The following RAD50 variants were observed in gnomAD, a reference collection of about 807,000 sequenced individuals.
RAD50 encodes the protein DNA repair protein RAD50.
Under a neutral mutation model 168.8 loss-of-function variants are expected in RAD50, and 132 were observed. The observed-to-expected ratio is 0.78, with a 90% CI of 0.68 to 0.90. The LOEUF (loss-of-function observed/expected upper bound fraction) is 0.90, where lower values mean the gene tolerates loss of function less well. RAD50 is among the 40% of genes least tolerant of loss of function. The pLI is 0.00. For synonymous variants in RAD50, 525 were observed against 497.4 expected (o/e 1.06, Z -0.74); for missense variants, 1,347 against 1,534.4 (o/e 0.88, Z 2.04).
intron 5 of RAD50, among the ~76,000 whole-genome samples, chr5:132,583,885 C>T (rs1000533573): frequency 2.6e-4 from 39 of 151,590 alleles, no homozygotes; most frequent in African/African-American, 8.5e-4. Context: ...TTAGTAGAGA[C>T]GGGGTTTCTC....
intron 3 of RAD50, among the ~76,000 whole-genome samples, chr5:132,577,455 A>G (rs139041957): frequency 6.6e-6 from 1 of 152,250 alleles, no homozygotes; most frequent in Non-Finnish European, 1.5e-5. Context: ...AAATGTGGAC[A>G]TCTTGGAGGA....
At chr5:132,582,345 A>G (rs1235775742) in intron 5 of RAD50, among the ~76,000 whole-genome samples, 4 of 152,212 alleles carry the variant, frequency 2.6e-5, no homozygotes, top group African/African-American at 7.2e-5. Flanking sequence ...AGCCTAGCCT[A>G]GTGCCTGGCA....
chr5:132,639,105 G>A (rs938323466), intron 23 of RAD50, among the ~76,000 whole-genome samples: 2 of 151,390 alleles, frequency 1.3e-5, no homozygotes, highest in Admixed American at 6.6e-5. Flanking sequence ...ACCTGTAATC[G>A]CAGCACTTTG....
Position 132,576,757 on chromosome 5 carries a change from A to G in RAD50, c.365+829A>G, listed in dbSNP as rs78909348. On this transcript the variant is annotated intron_variant, in intron 3 of 24. Coordinates refer to ENST00000378823, the MANE Select transcript of RAD50 (RefSeq NM_005732.4). ...ATTTCTTCACCTCCTCTTCACTCCA[A>G]TTGCAGTCCCATTCGTCCTTTGAAA... Among the ~76,000 whole-genome samples, 980 of 152,256 alleles carry G rather than the reference A, an allele frequency of 6.4e-3. 14 individuals are homozygous for G. Among genetic ancestry groups the G allele is most frequent in the African/African-American group, 0.022 (928 of 41,542 alleles).
chr5:132,597,564 G>A (rs1415944326), intron 13 of RAD50, among the ~76,000 whole-genome samples: 5 of 152,190 alleles, frequency 3.3e-5, no homozygotes, highest in Non-Finnish European at 4.4e-5. Context: ...CCTCTGGAGA[G>A]GCCCATATGC....
intron 19 of RAD50, among the ~76,000 whole-genome samples, chr5:132,610,124 A>G (rs1280228314): frequency 1.3e-5 from 2 of 151,924 alleles, no homozygotes; most frequent in African/African-American, 2.4e-5. Context: ...GATTTTACCT[A>G]TCAACTCACA....
In RAD50 at chr5:132,589,712, A is replaced by G. The variant is rs1750663361; in HGVS notation, c.1327A>G (p.Ile443Val). 2 of 1,613,016 alleles carry G rather than the reference A, an allele frequency of 1.2e-6. No individual in the cohort carries two copies. Among genetic ancestry groups the G allele is most frequent in the Non-Finnish European group, 1.7e-6 (2 of 1,179,204 alleles). The change falls in exon 9 of 25, where the codon ATT (isoleucine) becomes GTT (valine). Residue 443 changes from isoleucine to valine, a missense_variant. This residue lies in a region of RAD50 where 703 missense variants were observed against 767.7 expected (regional missense o/e 0.92). Coordinates refer to ENST00000378823, the MANE Select transcript of RAD50 (RefSeq NM_005732.4). Reference sequence around the variant, plus strand: ...TAAGAAAACTGGACTGGGAAGAATAATTGAGTTAAAATCAGAAATCCTAAG... The same window carrying G: ...TAAGAAAACTGGACTGGGAAGAATAGTTGAGTTAAAATCAGAAATCCTAAG... Reference protein sequence around the residue: ...RDKKTGLGRIIELKSEILSKK... With the variant: ...RDKKTGLGRIVELKSEILSKK...
intron 21 of RAD50, among the ~76,000 whole-genome samples, chr5:132,625,160 C>T (rs562774545): frequency 6.0e-5 from 9 of 149,518 alleles, no homozygotes; most frequent in African/African-American, 2.2e-4. Flanking sequence ...GATCTCGGCT[C>T]ACTGCAAGCT....
At chr5:132,564,891 G>A (rs1456361496) in intron 2 of RAD50, among the ~76,000 whole-genome samples, 1 of 152,166 alleles carries the variant, frequency 6.6e-6, no homozygotes, top group African/African-American at 2.4e-5. Flanking sequence ...CTTCCACATG[G>A]TGTTAAGCCT....
Position 132,579,922 on chromosome 5 carries a change from A to G in RAD50, c.612A>G (p.Lys204=), listed in dbSNP as rs773903575. 10 of 1,612,530 alleles carry G rather than the reference A, an allele frequency of 6.2e-6. No individual in the cohort carries two copies. In the Admixed American group the frequency reaches 8.3e-5, roughly 13 times the overall value. ...GTCAGACACAAGGTCAGAAAGTAAAAGAATATCAAATGGAACTAAAATATC... is the reference window on the plus strand; with the variant it reads ...GTCAGACACAAGGTCAGAAAGTAAAGGAATATCAAATGGAACTAAAATATC... The part of the protein sequence containing the change: ...QVRQTQGQKV[K]EYQMELKYLK... The change falls in exon 5 of 25, where the codon AAA becomes AAG. Residue 204 remains lysine (K), a synonymous_variant. Transcript: ENST00000378823.
intron 21 of RAD50, among the ~76,000 whole-genome samples, chr5:132,619,783 C>CCT (rs550575815): frequency 0.029 from 3,641 of 125,596 alleles, 103 homozygotes; most frequent in African/African-American, 0.064. Context: ...CTTCCCTACT[C>CCT]CTCTCTCTCT....
At chr5:132,618,796 A>C (rs1751224353) in intron 21 of RAD50, among the ~76,000 whole-genome samples, 1 of 152,180 alleles carries the variant, frequency 6.6e-6, no homozygotes, top group African/African-American at 2.4e-5. Flanking sequence ...AAAGCATATT[A>C]ATATCTACGA....
intron 2 of RAD50, among the ~76,000 whole-genome samples, chr5:132,572,106 CA>C (rs1750317300): frequency 6.6e-6 from 1 of 152,034 alleles, no homozygotes; most frequent in African/African-American, 2.4e-5. Context: ...TAATTTGCCA[CA>C]GTAATAGAAT....
At position 132,575,933 on chromosome 5, in the gene RAD50, G is replaced by C. The variant is rs1438177297; in HGVS notation, c.365+5G>C. On this transcript the variant is annotated splice_donor_5th_base_variant and intron_variant, in intron 3 of 24. Transcript: ENST00000378823. Reference sequence around the variant, plus strand: ...AGGAGTCATTACTAGAACAAAGTAGGTGTTTATATGATATTTGAATTTCTG... The same window carrying C: ...AGGAGTCATTACTAGAACAAAGTAGCTGTTTATATGATATTTGAATTTCTG... 1.3e-6 allele frequency: 2 copies of C among 1,598,232 alleles called. No individual in the cohort carries two copies. The highest frequency in any genetic ancestry group is 1.7e-6 in the Non-Finnish European group (2 of 1,169,030).
rs749194256 is a variant in RAD50, at chr5:132,580,017, C to T, written c.707C>T (p.Ser236Phe). The change falls in exon 5 of 25, where the codon TCT becomes TTT. Residue 236 changes from serine to phenylalanine, a missense_variant. By Grantham distance (155) the Ser-to-Phe change is radical (BLOSUM62 -2). Coordinates refer to ENST00000378823, the MANE Select transcript of RAD50 (RefSeq NM_005732.4). ...QITSKEAQLT[S>F]SKEIVKSYEN... Reference sequence around the variant, plus strand: ...ACAAGTAAGGAAGCCCAGTTAACATCTTCAAAGGAAATTGTCAAATCCTAT... The same window carrying T: ...ACAAGTAAGGAAGCCCAGTTAACATTTTCAAAGGAAATTGTCAAATCCTAT... 1 of 1,613,516 alleles carries T rather than the reference C, an allele frequency of 6.2e-7. No homozygotes were observed. Among genetic ancestry groups the T allele is most frequent in the Non-Finnish European group, 8.5e-7 (1 of 1,179,548 alleles).
At chr5:132,624,382 G>T (rs1276449335) in intron 21 of RAD50, among the ~76,000 whole-genome samples, 1 of 151,786 alleles carries the variant, frequency 6.6e-6, no homozygotes, top group Admixed American at 6.6e-5. Flanking sequence ...TTTGTTTTTT[G>T]GTTTTTTTTG....
intron 4 of RAD50, 104 bp from the exon 5 acceptor site, chr5:132,579,758 C>A: frequency 9.4e-7 from 1 of 1,064,960 alleles, no homozygotes; most frequent in Non-Finnish European, 1.4e-6. Context: ...TTATTAAAAA[C>A]TCATTGTAAC....
chr5:132,598,368 G>A (rs1750829038), intron 13 of RAD50, among the ~76,000 whole-genome samples: 1 of 152,160 alleles, frequency 6.6e-6, no homozygotes, highest in South Asian at 2.1e-4. Context: ...CCCTCTAAGA[G>A]TAAGGTGCAT....
rs766565530 is a variant in RAD50, at chr5:132,640,662, T to C, written c.3619-10T>C. ...TGTGCTGGGCTTCTCACATAGGGGCTTTTTTCCAGGTATTAGCCTCACTCA... is the reference window on the plus strand; with the variant it reads ...TGTGCTGGGCTTCTCACATAGGGGCCTTTTTCCAGGTATTAGCCTCACTCA... On this transcript the variant is annotated splice_polypyrimidine_tract_variant and intron_variant, in intron 23 of 24. Transcript: ENST00000378823. 4 of 1,614,110 alleles carry C rather than the reference T, an allele frequency of 2.5e-6. No individual in the cohort carries two copies. The South Asian group carries it at 3.3e-5, about 13-fold the overall frequency.
Sources: gnomAD v4.1 joint callset for allele counts (sites outside exome capture counted in the v4.1 genomes callset) on GRCh38, gnomAD v4.1.1 for gene constraint, gnomAD v4.1.1 regional missense constraint, MANE v1.5 for transcripts, NCBI Gene and HGNC (gene_info 2026-07-23, HGNC 2026-07-21) for gene names.